CSTPP1: variants seen among roughly 807,000 people sequenced by gnomAD.
CSTPP1 encodes UPF0705 protein C11orf49.
the CSTPP1 span, among the ~76,000 whole-genome samples, chr11:47,034,485 C>A: frequency 2.1e-5 from 3 of 145,990 alleles, no homozygotes; most frequent in Non-Finnish European, 4.5e-5. Context: ...CCTTTTTCCT[C>A]AATGATTTTT....
chr11:47,067,395 A>G, the CSTPP1 span, among the ~76,000 whole-genome samples: 1 of 152,304 alleles, frequency 6.6e-6, no homozygotes, highest in Non-Finnish European at 1.5e-5. Flanking sequence ...GGCTAGTATG[A>G]CTGAACTGTG....
the CSTPP1 span, among the ~76,000 whole-genome samples, chr11:47,023,080 T>C: frequency 1.3e-5 from 2 of 152,154 alleles, no homozygotes; most frequent in Non-Finnish European, 2.9e-5. Context: ...GGCTTCTAAG[T>C]GATGCTAGTG....
the CSTPP1 span, among the ~76,000 whole-genome samples, chr11:47,128,905 C>T: frequency 1.3e-5 from 2 of 152,074 alleles, no homozygotes; most frequent in African/African-American, 4.8e-5. Flanking sequence ...ACATAAAAAC[C>T]TTCATTCTGG....
At chr11:47,139,671 C>CA in the CSTPP1 span, among the ~76,000 whole-genome samples, 2,392 of 119,082 alleles carry the variant, frequency 0.02, 55 homozygotes, top group African/African-American at 0.067. Flanking sequence ...GACTGAACGT[C>CA]AAAAAAAAAA....
the CSTPP1 span, among the ~76,000 whole-genome samples, chr11:47,084,753 A>T: frequency 6.6e-6 from 1 of 152,142 alleles, no homozygotes; most frequent in African/African-American, 2.4e-5. Flanking sequence ...TGTTCCATTG[A>T]TCTAAGGTAG....
At chr11:47,135,084 C>CA in the CSTPP1 span, among the ~76,000 whole-genome samples, 3 of 152,016 alleles carry the variant, frequency 2.0e-5, no homozygotes, top group Non-Finnish European at 4.4e-5. Context: ...GCCTGGGTAA[C>CA]AGAGTGAGGC....
At chr11:47,097,424 G>A in the CSTPP1 span, among the ~76,000 whole-genome samples, 1 of 56,720 alleles carries the variant, frequency 1.8e-5, no homozygotes, top group Non-Finnish European at 3.6e-5. Context: ...CCCTCTGCCC[G>A]GCCAGCCGCC....
chr11:47,118,209 T>A, the CSTPP1 span, among the ~76,000 whole-genome samples: 18 of 152,266 alleles, frequency 1.2e-4, no homozygotes, highest in Admixed American at 9.8e-4. Context: ...TGATCTTCAA[T>A]CACTGACACC....
At chr11:46,952,900 A>G in the CSTPP1 span, among the ~76,000 whole-genome samples, 1 of 152,120 alleles carries the variant, frequency 6.6e-6, no homozygotes, top group East Asian at 1.9e-4. Context: ...TTATTTTTCT[A>G]TTGAGAGTTA....
At chr11:47,108,354 G>A in the CSTPP1 span, among the ~76,000 whole-genome samples, 2 of 152,154 alleles carry the variant, frequency 1.3e-5, no homozygotes, top group South Asian at 2.1e-4. Flanking sequence ...CTGTTTGCAC[G>A]AGGGCTATCT....
chr11:47,011,993 AG>A, the CSTPP1 span, among the ~76,000 whole-genome samples: 1 of 152,122 alleles, frequency 6.6e-6, no homozygotes, highest in East Asian at 1.9e-4. Flanking sequence ...GAAAATCAGG[AG>A]CCGGACATGA....
the CSTPP1 span, among the ~76,000 whole-genome samples, chr11:47,134,632 G>A: frequency 6.6e-6 from 1 of 152,144 alleles, no homozygotes; most frequent in South Asian, 2.1e-4. Flanking sequence ...AAATAGACAG[G>A]AGCATTAGGG....
chr11:46,958,143 G>C, the CSTPP1 span, among the ~76,000 whole-genome samples: 3,245 of 152,128 alleles, frequency 0.021, 52 homozygotes, highest in Non-Finnish European at 0.033. Flanking sequence ...TTTTCTCCTT[G>C]TGATTTTCTT....
chr11:47,088,207 T>C, the CSTPP1 span, among the ~76,000 whole-genome samples: 1 of 152,218 alleles, frequency 6.6e-6, no homozygotes, highest in Non-Finnish European at 1.5e-5. Context: ...GGGAGTATCA[T>C]AGAATTTTGT....
At chr11:47,155,127 T>A in the CSTPP1 span, 2 of 1,339,704 alleles carry the variant, frequency 1.5e-6, no homozygotes, top group Non-Finnish European at 2.1e-6. Flanking sequence ...CCTCCCCTCC[T>A]TAAACCTCTC....
chr11:47,071,987 A>G, the CSTPP1 span, among the ~76,000 whole-genome samples: 3 of 152,312 alleles, frequency 2.0e-5, no homozygotes, highest in South Asian at 6.2e-4. Flanking sequence ...TCTGTGGGAG[A>G]GGTTCCTTCA....
At chr11:46,959,135 A>G in the CSTPP1 span, among the ~76,000 whole-genome samples, 1 of 151,902 alleles carries the variant, frequency 6.6e-6, no homozygotes, top group Non-Finnish European at 1.5e-5. Context: ...ATTCCTAAAT[A>G]TAAGATTTAA....
the CSTPP1 span, among the ~76,000 whole-genome samples, chr11:47,088,956 G>A: frequency 6.6e-6 from 1 of 152,170 alleles, no homozygotes; most frequent in Non-Finnish European, 1.5e-5. Flanking sequence ...TTTTGTTAAA[G>A]AGTTTTATAT....
the CSTPP1 span, among the ~76,000 whole-genome samples, chr11:47,122,363 A>C: frequency 6.6e-6 from 1 of 151,380 alleles, no homozygotes; most frequent in African/African-American, 2.4e-5. Context: ...GGAAGGAACT[A>C]AATGGCATTC....
Sources: allele counts gnomAD v4.1 joint callset (sites outside exome capture counted in the v4.1 genomes callset), GRCh38; gene constraint gnomAD v4.1.1; transcripts MANE v1.5; gene names NCBI Gene and HGNC (gene_info 2026-07-23, HGNC 2026-07-21).